Variants in NWD2 observed in about 807,000 individuals in gnomAD.
The protein encoded by NWD2 is NACHT and WD repeat domain-containing protein 2.
NWD2 carries 37 observed loss-of-function variants against 132.7 expected under a neutral mutation model. That is an observed-to-expected ratio of 0.28 (90% CI 0.21 to 0.37). NWD2 has a LOEUF of 0.37. Among genes scored for constraint, NWD2 ranks in the 10% least tolerant of loss-of-function variants. NWD2 has a pLI of 1.00. For synonymous variants in NWD2, 705 were observed against 803.0 expected (o/e 0.88, Z 2.06); for missense variants, 1,592 against 2,122.4 (o/e 0.75, Z 4.91).
chr4:37,431,749 GA>G (rs949836920), intron 4 of NWD2, among the ~76,000 whole-genome samples: 3 of 151,916 alleles, frequency 2.0e-5, no homozygotes, highest in East Asian at 3.9e-4. Flanking sequence ...AAAATTTAAT[GA>G]AAAAAACTAA....
intron 1 of NWD2, among the ~76,000 whole-genome samples, chr4:37,324,126 C>T (rs538496717): frequency 1.5e-4 from 23 of 152,076 alleles, no homozygotes; most frequent in African/African-American, 5.5e-4. Flanking sequence ...AGGTAACAAA[C>T]CTGCACATGT....
At chr4:37,365,703 T>G (rs1720087594) in intron 3 of NWD2, among the ~76,000 whole-genome samples, 1 of 152,230 alleles carries the variant, frequency 6.6e-6, no homozygotes, top group Non-Finnish European at 1.5e-5. Context: ...AGTATTTAAT[T>G]GTCTGGTGAA....
At chr4:37,267,844 A>T (rs948252324) in intron 1 of NWD2, among the ~76,000 whole-genome samples, 4 of 151,954 alleles carry the variant, frequency 2.6e-5, no homozygotes, top group Non-Finnish European at 4.4e-5. Flanking sequence ...GGGAAAAAAC[A>T]CAGAAATGGA....
intron 3 of NWD2, among the ~76,000 whole-genome samples, chr4:37,371,062 A>G (rs1484514567): frequency 1.6e-5 from 2 of 123,058 alleles, no homozygotes; most frequent in Non-Finnish European, 3.4e-5. Flanking sequence ...AAGAAGTTCA[A>G]TTTTTTTTTC....
intron 1 of NWD2, among the ~76,000 whole-genome samples, chr4:37,321,024 G>A (rs1413387719): frequency 6.6e-6 from 1 of 152,046 alleles, no homozygotes. Context: ...AGGTGTGGTG[G>A]CACACACCTG....
chr4:37,353,815 GT>G (rs767037481), intron 2 of NWD2, among the ~76,000 whole-genome samples: 9 of 152,130 alleles, frequency 5.9e-5, no homozygotes, highest in South Asian at 2.1e-4. Flanking sequence ...GGTGGAGTTT[GT>G]TATTACCCAT....
intron 3 of NWD2, among the ~76,000 whole-genome samples, chr4:37,428,795 G>A (rs112022298): frequency 0.025 from 3,827 of 152,232 alleles, 118 homozygotes; most frequent in African/African-American, 0.065. Flanking sequence ...GCAATGGCAC[G>A]ATCTTGGCTC....
intron 3 of NWD2, among the ~76,000 whole-genome samples, chr4:37,411,437 G>T (rs1050180241): frequency 6.6e-6 from 1 of 152,158 alleles, no homozygotes; most frequent in South Asian, 2.1e-4. Context: ...AAGCCAGGAA[G>T]AAGTCAAACC....
chr4:37,277,040 C>T (rs980071286), intron 1 of NWD2, among the ~76,000 whole-genome samples: 41 of 151,688 alleles, frequency 2.7e-4, no homozygotes, highest in African/African-American at 8.2e-4. Flanking sequence ...TGTTGAATGA[C>T]GAGTTAATGG....
At position 37,364,804 on chromosome 4, in the gene NWD2, C is replaced by T. The variant is rs1219108455; in HGVS notation, c.357+8322C>T. Among the ~76,000 whole-genome samples, 7 of 151,980 alleles carry T rather than the reference C, an allele frequency of 4.6e-5. No homozygotes were observed. The East Asian group carries it at 1.4e-3, about 29-fold the overall frequency. ...ACCACAGGCAGCTCCTGGCAGTGGA[C>T]CCTAAGCCCAGTATGCACAAAGTAA... On this transcript the variant is annotated intron_variant, in intron 3 of 6. Coordinates refer to ENST00000309447, the MANE Select transcript of NWD2 (RefSeq NM_001144990.2).
intron 3 of NWD2, among the ~76,000 whole-genome samples, chr4:37,378,471 C>A (rs777439582): frequency 3.3e-5 from 5 of 152,176 alleles, no homozygotes; most frequent in Non-Finnish European, 7.4e-5. Flanking sequence ...ATTCCAAGAA[C>A]GGAAGGAAGT....
At chr4:37,289,687 A>G (rs1016335679) in intron 1 of NWD2, among the ~76,000 whole-genome samples, 1 of 152,318 alleles carries the variant, frequency 6.6e-6, no homozygotes, top group South Asian at 2.1e-4. Flanking sequence ...TACAAATCCT[A>G]AGTGTACTAT....
intron 3 of NWD2, among the ~76,000 whole-genome samples, chr4:37,408,617 C>T (rs1192842138): frequency 1.3e-5 from 2 of 152,202 alleles, no homozygotes; most frequent in African/African-American, 4.8e-5. Flanking sequence ...CAGACTTAAA[C>T]GTCCCTAACT....
At position 37,401,533 on chromosome 4, in the gene NWD2, C is replaced by T. The variant is rs376585816; in HGVS notation, c.358-29039C>T. The stretch of plus-strand genomic sequence containing the variant: ...AGAACCTCATCTTCTCTCACCTGGG[C>T]TCCTCATTGATCCCTCCAGCTGCAG... On this transcript the variant is annotated intron_variant, in intron 3 of 6. Coordinates refer to ENST00000309447, the MANE Select transcript of NWD2 (RefSeq NM_001144990.2). Among the ~76,000 whole-genome samples the T allele has an allele frequency of 1.4e-4, 21 of 152,172 alleles. No homozygotes were observed. The South Asian group carries it at 4.4e-3, about 32-fold the overall frequency.
At chr4:37,430,812 A>G (rs1485916916) in intron 4 of NWD2, 37 bp downstream of exon 4, 2 of 1,505,304 alleles carry the variant, frequency 1.3e-6, no homozygotes, top group Admixed American at 2.0e-5. Flanking sequence ...GGATCTGTCC[A>G]TTACTACATT....
chr4:37,440,659 T>A (rs1204495943), intron 6 of NWD2, among the ~76,000 whole-genome samples: 1 of 152,098 alleles, frequency 6.6e-6, no homozygotes, highest in Admixed American at 6.6e-5. Context: ...GCCTCTCCAG[T>A]CTTCTTTTTC....
Position 37,445,327 on chromosome 4 carries a change from T to C in NWD2, c.3339T>C (p.Ala1113=), listed in dbSNP as rs1712605424. 1 of 1,552,074 alleles carries C rather than the reference T, an allele frequency of 6.4e-7. No individual in the cohort carries two copies. Among genetic ancestry groups the C allele is most frequent in the Non-Finnish European group, 8.7e-7 (1 of 1,147,116 alleles). ...AGTGCTCCCTGGATGGTCTGTATGC[T>C]TTCTGTGGCCAATACCTGAACACAA... ...CVQCSLDGLY[A]FCGQYLNTTT... Residue 1113 remains alanine, a synonymous_variant, in exon 7 of 7, where the codon GCT becomes GCC. Transcript: ENST00000309447. This position sits in a 1 kb window ranked among gnomAD's most constrained non-coding sequence, Gnocchi z 4.7.
At chr4:37,384,441 T>C (rs1201640912) in intron 3 of NWD2, among the ~76,000 whole-genome samples, 1 of 152,246 alleles carries the variant, frequency 6.6e-6, no homozygotes, top group Non-Finnish European at 1.5e-5. Flanking sequence ...ATTCTGTTTA[T>C]TTTGAATATA....
chr4:37,427,844 T>C (rs1212813811), intron 3 of NWD2, among the ~76,000 whole-genome samples: 1 of 141,014 alleles, frequency 7.1e-6, no homozygotes, highest in African/African-American at 2.4e-5. Flanking sequence ...CAACCAGGGA[T>C]ATGTTTATAC....
Sources: gnomAD v4.1 joint callset for allele counts (sites outside exome capture counted in the v4.1 genomes callset) on GRCh38, gnomAD v4.1.1 for gene constraint, Gnocchi (gnomAD v3.1) non-coding constraint, MANE v1.5 for transcripts, NCBI Gene and HGNC (gene_info 2026-07-23, HGNC 2026-07-21) for gene names.